The following LRRC4C variants were observed in gnomAD, a reference collection of about 807,000 sequenced individuals.
LRRC4C encodes leucine-rich repeat-containing protein 4C.
LRRC4C carries 5 observed loss-of-function variants against 33.6 expected under a neutral mutation model. The ratio of observed to expected loss-of-function variants is 0.15; its 90% CI spans 0.08 to 0.31. The LOEUF (loss-of-function observed/expected upper bound fraction) is 0.31. LRRC4C is among the 10% of genes least tolerant of loss of function. LRRC4C has a pLI of 1.00. For missense variants in LRRC4C, 560 were observed against 796.7 expected (o/e 0.70, Z 3.58); for synonymous variants, 329 against 302.0 (o/e 1.09, Z -0.93).
At chr11:40,199,510 A>G (rs1480217213) in intron 5 of LRRC4C, among the ~76,000 whole-genome samples, 3 of 152,272 alleles carry the variant, frequency 2.0e-5, no homozygotes, top group Non-Finnish European at 4.4e-5. Context: ...TTGAGCTAAG[A>G]CATGATTTCA....
intron 3 of LRRC4C, among the ~76,000 whole-genome samples, chr11:40,392,518 T>C (rs1949377716): frequency 6.6e-6 from 1 of 152,026 alleles, no homozygotes; most frequent in South Asian, 2.1e-4. Context: ...TTAAAATAAA[T>C]AAGTTATTTA....
chr11:40,659,457 C>T (rs1437700209), intron 2 of LRRC4C, among the ~76,000 whole-genome samples: 1 of 152,160 alleles, frequency 6.6e-6, no homozygotes, highest in Non-Finnish European at 1.5e-5. Context: ...CAGGTGGAGT[C>T]CATGACCTGG....
intron 2 of LRRC4C, among the ~76,000 whole-genome samples, chr11:40,922,346 A>G: frequency 6.6e-6 from 1 of 152,210 alleles, no homozygotes; most frequent in East Asian, 1.9e-4. Context: ...GTAACATTAA[A>G]TAAGTTATCT....
chr11:40,573,974 C>T (rs971084063), intron 3 of LRRC4C, among the ~76,000 whole-genome samples: 5 of 152,140 alleles, frequency 3.3e-5, no homozygotes, highest in African/African-American at 1.2e-4. Context: ...TTTAAAATTC[C>T]CTTATCTGAA....
intron 2 of LRRC4C, among the ~76,000 whole-genome samples, chr11:40,707,233 AC>A (rs1301161241): frequency 1.1e-4 from 16 of 152,158 alleles, no homozygotes; most frequent in Admixed American, 9.8e-4. Context: ...CCTGGCCAGA[AC>A]TTCCAACCCT....
intron 3 of LRRC4C, among the ~76,000 whole-genome samples, chr11:40,587,170 C>G (rs1395099020): frequency 6.6e-6 from 1 of 152,074 alleles, no homozygotes; most frequent in Middle Eastern, 3.4e-3. Flanking sequence ...GATTGTAGTT[C>G]TCCTTGAAGA....
chr11:40,564,260 G>A (rs554054493), intron 3 of LRRC4C, among the ~76,000 whole-genome samples: 8 of 152,284 alleles, frequency 5.3e-5, no homozygotes, highest in East Asian at 1.9e-4. Flanking sequence ...AATGCTTGGC[G>A]AAGTGTGAGT....
chr11:40,236,478 A>C (rs549297634), intron 5 of LRRC4C, among the ~76,000 whole-genome samples: 1 of 152,262 alleles, frequency 6.6e-6, no homozygotes, highest in Non-Finnish European at 1.5e-5. Flanking sequence ...TTAATTCTTT[A>C]TTTCATGGGC....
At chr11:40,936,011 A>ATT (rs1957865758) in intron 1 of LRRC4C, among the ~76,000 whole-genome samples, 2 of 70,472 alleles carry the variant, frequency 2.8e-5, no homozygotes, top group South Asian at 5.2e-4. Flanking sequence ...AAGATGCCAA[A>ATT]TTTTATATAT....
intron 1 of LRRC4C, among the ~76,000 whole-genome samples, chr11:41,058,585 C>T (rs1472567215): frequency 6.6e-6 from 1 of 152,200 alleles, no homozygotes; most frequent in Non-Finnish European, 1.5e-5. Context: ...AAATAAATAC[C>T]CCAAATATCC....
At position 41,299,851 on chromosome 11, in the gene LRRC4C, A is replaced by G. The variant is rs560173097; in HGVS notation, c.-496+159580T>C. 3.9e-5 allele frequency among the ~76,000 whole-genome samples: 6 copies of G among 152,142 alleles called. 1 individual carries two copies. The highest frequency in any genetic ancestry group is 1.3e-4 in the Admixed American group (2 of 15,274). On this transcript the variant is annotated intron_variant, in intron 1 of 6. Transcript: ENST00000528697. Reference sequence around the variant, plus strand: ...TAACTATTCATATATTTGAGAGGCTATTGTCTAGAAGGGAAATGAACTTAT... The same window carrying G: ...TAACTATTCATATATTTGAGAGGCTGTTGTCTAGAAGGGAAATGAACTTAT...
intron 3 of LRRC4C, among the ~76,000 whole-genome samples, chr11:40,320,509 A>G (rs958110642): frequency 3.3e-5 from 5 of 152,158 alleles, no homozygotes; most frequent in Admixed American, 6.5e-5. Context: ...CTGTCTCAAA[A>G]ATAAATACAT....
At chr11:41,242,286 C>G (rs1319316136) in intron 1 of LRRC4C, among the ~76,000 whole-genome samples, 1 of 152,018 alleles carries the variant, frequency 6.6e-6, no homozygotes, top group Non-Finnish European at 1.5e-5. Flanking sequence ...GTTTTCAAAG[C>G]ACTTTTTAAA....
At chr11:40,416,760 A>G (rs1165231203) in intron 3 of LRRC4C, among the ~76,000 whole-genome samples, 3 of 152,222 alleles carry the variant, frequency 2.0e-5, no homozygotes, top group Non-Finnish European at 4.4e-5. Context: ...ACTCAAGGTT[A>G]CATAGCCAGT....
intron 2 of LRRC4C, among the ~76,000 whole-genome samples, chr11:40,648,485 A>G (rs1942593741): frequency 6.6e-6 from 1 of 152,318 alleles, no homozygotes; most frequent in East Asian, 1.9e-4. Flanking sequence ...CATTTTGTAA[A>G]TACAGTTACA....
intron 2 of LRRC4C, among the ~76,000 whole-genome samples, chr11:40,819,093 T>C (rs1460921387): frequency 6.6e-6 from 1 of 152,150 alleles, no homozygotes; most frequent in African/African-American, 2.4e-5. Context: ...CAATGATACG[T>C]AATCCTGTTT....
At chr11:40,790,648 A>G (rs1177062181) in intron 2 of LRRC4C, among the ~76,000 whole-genome samples, 2 of 152,214 alleles carry the variant, frequency 1.3e-5, no homozygotes, top group South Asian at 4.1e-4. Context: ...TCAGGAGAAC[A>G]CAGTGCATTG....
intron 1 of LRRC4C, among the ~76,000 whole-genome samples, chr11:41,415,840 G>T (rs1404724301): frequency 2.0e-5 from 3 of 152,074 alleles, no homozygotes; most frequent in Non-Finnish European, 4.4e-5. Flanking sequence ...CTAACTCTTG[G>T]ATCAGAGGAG....
At chr11:41,272,434 T>A (rs933644728) in intron 1 of LRRC4C, among the ~76,000 whole-genome samples, 1 of 152,066 alleles carries the variant, frequency 6.6e-6, no homozygotes, top group Admixed American at 6.6e-5. Context: ...ACGCCTCTGA[T>A]CCCCATCAAA....
Sources: gnomAD v4.1 joint callset for allele counts (sites outside exome capture counted in the v4.1 genomes callset) on GRCh38, gnomAD v4.1.1 for gene constraint, MANE v1.5 for transcripts, NCBI Gene and HGNC (gene_info 2026-07-23, HGNC 2026-07-21) for gene names.